MLLT1: variants seen among roughly 807,000 people sequenced by gnomAD.
MLLT1 encodes the protein MLLT1 super elongation complex subunit, also known as protein ENL.
A neutral mutation model predicts 55.1 loss-of-function variants in MLLT1; 11 were observed. The ratio of observed to expected loss-of-function variants is 0.20; its 90% confidence interval spans 0.13 to 0.33. MLLT1 has a LOEUF of 0.33. Ranked by LOEUF, MLLT1 falls within the 10% of genes least tolerant of loss-of-function variation. MLLT1 has a pLI of 1.00. For missense variants in MLLT1, 536 were observed against 760.6 expected (o/e 0.70, Z 3.47); for synonymous variants, 323 against 320.1 (o/e 1.01, Z -0.10).
At chr19:6,225,384 C>G (rs1022631936) in intron 5 of MLLT1, among the ~76,000 whole-genome samples, 1 of 152,194 alleles carries the variant, frequency 6.6e-6, no homozygotes, top group African/African-American at 2.4e-5. Context: ...GCACATGGCC[C>G]GGCCACTCAC....
chr19:6,248,116 G>A lies in MLLT1; in HGVS notation c.276+14112C>T, dbSNP rs574594001. On this transcript the variant is annotated intron_variant, in intron 3 of 11. Transcript: ENST00000252674. ...TTGGCCAGGCTGGTCTTGAACTCCTGACCTCAGGTGATTCACTCGCCTTCG... is the reference window on the plus strand; with the variant it reads ...TTGGCCAGGCTGGTCTTGAACTCCTAACCTCAGGTGATTCACTCGCCTTCG... Among the ~76,000 whole-genome samples, 122 of 152,240 alleles carry A rather than the reference G, an allele frequency of 8.0e-4. 1 individual carries two copies. The highest frequency in any genetic ancestry group is 1.9e-3 in the Admixed American group (29 of 15,290).
chr19:6,273,177 G>C lies in MLLT1; in HGVS notation c.13-2418C>G, dbSNP rs531525994. 6.6e-6 allele frequency among the ~76,000 whole-genome samples: 1 copy of C among 152,032 alleles called. No homozygotes were observed. Among genetic ancestry groups the C allele is most frequent in the South Asian group, 2.1e-4 (1 of 4,810 alleles). ...AACGGTCTCGGAGTCAAAAGCCCCC[G>C]GCCCTCTGTGTAAGGCCTGGGGTGC... On this transcript the variant is annotated intron_variant, in intron 1 of 11. Coordinates refer to ENST00000252674, the MANE Select transcript of MLLT1 (RefSeq NM_005934.4). This position sits in a 1 kb window ranked among gnomAD's most constrained non-coding sequence, Gnocchi z 4.3.
In MLLT1 at chr19:6,213,378, G is replaced by C. The variant is rs142182747; in HGVS notation, c.1510C>G (p.Arg504Gly). The change falls in exon 11 of 12, where the codon CGG (arginine) becomes GGG (glycine). Residue 504 changes from arginine (R) to glycine (G), a missense_variant. By Grantham distance (125) the Arg-to-Gly change is moderately radical. Transcript: ENST00000252674. Reference protein sequence around the residue: ...AYTDELVELHRRLMALRERNV... With the variant: ...AYTDELVELHGRLMALRERNV... ...CGCTCCCGCAGCGCCATCAGCCTCC[G>C]GTGTAGCTCCACCAGCTCATCCGTG... The C allele has an allele frequency of 9.3e-6, 15 of 1,611,984 alleles. No individual in the cohort carries two copies. In the African/African-American group the frequency reaches 1.7e-4, roughly 19 times the overall value.
At chr19:6,266,580 C>T (rs1395732250) in intron 2 of MLLT1, among the ~76,000 whole-genome samples, 1 of 152,118 alleles carries the variant, frequency 6.6e-6, no homozygotes, top group African/African-American at 2.4e-5. Context: ...CCTCGGCCTC[C>T]CGAGTAGCTG....
chr19:6,212,871 G>T lies in MLLT1; in HGVS notation c.*171C>A, dbSNP rs369714857. The T allele has an allele frequency of 5.0e-6, 5 of 1,001,816 alleles. No individual in the cohort carries two copies. The highest frequency in any genetic ancestry group is 2.8e-5 in the East Asian group (1 of 35,754). The allele number at this position is 1,001,816 out of a possible 1,614,324, so 62.1% of individuals were successfully genotyped here. On this transcript the variant is annotated 3_prime_UTR_variant, in exon 12 of 12. Transcript: ENST00000252674. ...GCCCCAGGGCTCCTGGCGATGGAGC[G>T]GGGAGAGTGGGCAGGGAGCCGCCGA...
chr19:6,224,047 A>C (rs1455165872), intron 5 of MLLT1, among the ~76,000 whole-genome samples: 2 of 152,172 alleles, frequency 1.3e-5, no homozygotes, highest in African/African-American at 4.8e-5. Context: ...CCCCAAAGAC[A>C]TGCGGGAGGG....
rs1030093410 is a variant in MLLT1, at chr19:6,273,028, T to C, written c.13-2269A>G. ...CCTTGGCTCAGGACGACTGTCCCTC[T>C]GGAGTTCCCTGGGAAAAGAGGGCAG... On this transcript the variant is annotated intron_variant, in intron 1 of 11. Coordinates refer to ENST00000252674, the MANE Select transcript of MLLT1 (RefSeq NM_005934.4). This position sits in a 1 kb window ranked among gnomAD's most constrained non-coding sequence, Gnocchi z 4.3. Among the ~76,000 whole-genome samples the C allele has an allele frequency of 5.3e-5, 8 of 152,204 alleles. No homozygotes were observed. Among genetic ancestry groups the C allele is most frequent in the African/African-American group, 1.4e-4 (6 of 41,446 alleles).
intron 10 of MLLT1, 54 bp downstream of exon 10, chr19:6,213,672 T>TTCCCCCCCCCCCCCC: frequency 3.7e-6 from 4 of 1,075,340 alleles, no homozygotes; most frequent in South Asian, 2.6e-5. Context: ...TGGCTGCAAC[T>TTCCCCCCCCCCCCCC]CCCACCACCC....
At position 6,262,818 on chromosome 19, in the gene MLLT1, T is replaced by A. The variant is rs1316854656; in HGVS notation, c.194-508A>T. On this transcript the variant is annotated intron_variant, in intron 2 of 11. Coordinates refer to ENST00000252674, the MANE Select transcript of MLLT1 (RefSeq NM_005934.4). This position sits in a 1 kb window ranked among gnomAD's most constrained non-coding sequence, Gnocchi z 4.4. The stretch of plus-strand genomic sequence containing the variant: ...GGTGGCTGGGACCCTCCTCCTGGGT[T>A]CTAGTTTAGCACCTAATAAGAGCAT... Among the ~76,000 whole-genome samples the A allele has an allele frequency of 4.0e-5, 6 of 151,850 alleles. No individual in the cohort carries two copies. The highest frequency in any genetic ancestry group is 7.4e-5 in the Non-Finnish European group (5 of 67,950).
In MLLT1 at chr19:6,230,537, GC is replaced by G. The variant is rs1421356425; in HGVS notation, c.420+32del. The stretch of plus-strand genomic sequence containing the variant: ...GCAGCAAAGTAGCCTCGGTGGAGCG[GC>G]CCCTTGGCGGGCAGGGGCGGGGCAC... On this transcript the variant is annotated intron_variant, in intron 4 of 11. Transcript: ENST00000252674. The surrounding 1 kb of genome is among the most constrained non-coding windows in gnomAD (Gnocchi z 9.0). The G allele has an allele frequency of 7.5e-6, 12 of 1,608,846 alleles. No individual in the cohort carries two copies. The East Asian group carries it at 2.0e-4, about 27-fold the overall frequency.
At chr19:6,259,799 T>TAAAAAAAAAAAAAAAAAAAAAA (rs60832951) in intron 3 of MLLT1, 15 of 70,106 alleles carry the variant, frequency 2.1e-4, no homozygotes, top group African/African-American at 1.0e-3. Context: ...AAACATGACT[T>TAAAAAAAAAAAAAAAAAAAAAA]AAAAAAAAAA....
chr19:6,267,095 C>T (rs2091354954), intron 2 of MLLT1, among the ~76,000 whole-genome samples: 1 of 152,036 alleles, frequency 6.6e-6, no homozygotes, highest in African/African-American at 2.4e-5. Flanking sequence ...GCGACACCCC[C>T]ATCTCTAAAA....
intron 1 of MLLT1, among the ~76,000 whole-genome samples, chr19:6,276,482 G>A (rs944121207): frequency 1.3e-5 from 2 of 152,186 alleles, no homozygotes; most frequent in Non-Finnish European, 2.9e-5. Context: ...TGCAGGACCA[G>A]CAAGCAGCAA....
intron 8 of MLLT1, among the ~76,000 whole-genome samples, chr19:6,216,107 C>T (rs1299447536): frequency 6.6e-6 from 1 of 152,176 alleles, no homozygotes; most frequent in African/African-American, 2.4e-5. Flanking sequence ...CCCTCCTGCA[C>T]CCCTCCCTGC....
At chr19:6,215,840 G>A (rs534802420) in intron 8 of MLLT1, among the ~76,000 whole-genome samples, 40 of 152,292 alleles carry the variant, frequency 2.6e-4, no homozygotes, top group South Asian at 1.4e-3. Flanking sequence ...GTTGGAGGCC[G>A]AGCGCATGGA....
rs559421966 is a variant in MLLT1 at position 6,241,148 on chromosome 19, C to T, written c.277-10435G>A. ...AGCTGAGCTGAGACCTGCGAGTGGTCAGTCCCGGGGCCTCCTGCCTCCCTC... is the reference window on the plus strand; with the variant it reads ...AGCTGAGCTGAGACCTGCGAGTGGTTAGTCCCGGGGCCTCCTGCCTCCCTC... On this transcript the variant is annotated intron_variant, in intron 3 of 11. Coordinates refer to ENST00000252674, the MANE Select transcript of MLLT1 (RefSeq NM_005934.4). Among the ~76,000 whole-genome samples the T allele has an allele frequency of 9.2e-5, 14 of 152,332 alleles. No homozygotes were observed. The South Asian group carries it at 2.9e-3, about 32-fold the overall frequency.
In MLLT1 at chr19:6,231,659, G is replaced by A. The variant is rs1298249703; in HGVS notation, c.277-946C>T. ...TGGGACTACAGGCGCCCGCCACCAC[G>A]TCTGGCTAATTTTTTGTATTTTCAG... On this transcript the variant is annotated intron_variant, in intron 3 of 11. Coordinates refer to ENST00000252674, the MANE Select transcript of MLLT1 (RefSeq NM_005934.4). The surrounding 1 kb of genome is among the most constrained non-coding windows in gnomAD (Gnocchi z 5.1). 6.6e-5 allele frequency among the ~76,000 whole-genome samples: 10 copies of A among 151,930 alleles called. No homozygotes were observed. The highest frequency in any genetic ancestry group is 6.6e-5 in the Admixed American group (1 of 15,262).
chr19:6,245,940 C>T (rs796859254), intron 3 of MLLT1, among the ~76,000 whole-genome samples: 32 of 151,582 alleles, frequency 2.1e-4, no homozygotes, highest in African/African-American at 7.7e-4. Flanking sequence ...TGGCCGGTCA[C>T]AGTGGCTCAT....
chr19:6,258,106 T>C (rs542526963), intron 3 of MLLT1, among the ~76,000 whole-genome samples: 1 of 152,296 alleles, frequency 6.6e-6, no homozygotes, highest in African/African-American at 2.4e-5. Context: ...CAGAAAATTA[T>C]TGTATGAGCC....
Sources: allele counts gnomAD v4.1 joint callset (sites outside exome capture counted in the v4.1 genomes callset), GRCh38; gene constraint gnomAD v4.1.1; non-coding constraint Gnocchi (gnomAD v3.1); transcripts MANE v1.5; gene names NCBI Gene and HGNC (gene_info 2026-07-23, HGNC 2026-07-21).